ADAMTSL1: variants seen among roughly 807,000 people sequenced by gnomAD.
The protein encoded by ADAMTSL1 is ADAMTS-like protein 1.
Under a neutral mutation model 201.8 loss-of-function variants are expected in ADAMTSL1, and 126 were observed. That is an observed-to-expected ratio of 0.62 (90% CI 0.54 to 0.72). The LOEUF is 0.72. ADAMTSL1 is among the 30% of genes least tolerant of loss of function. ADAMTSL1 has a pLI of 0.00. For synonymous variants in ADAMTSL1, 1,121 were observed against 903.4 expected (o/e 1.24, Z -4.32); for missense variants, 2,679 against 2,277.8 (o/e 1.18, Z -3.59).
intron 13 of ADAMTSL1, 37 bp downstream of exon 13, chr9:18,684,837 A>G (rs1386477372): frequency 6.3e-7 from 1 of 1,575,718 alleles, no homozygotes; most frequent in Non-Finnish European, 8.6e-7. Flanking sequence ...TATATTTGAA[A>G]CTGTTTTGTT....
intron 16 of ADAMTSL1, 92 bp downstream of exon 16, chr9:18,753,600 G>A: frequency 7.3e-7 from 1 of 1,376,674 alleles, no homozygotes; most frequent in East Asian, 2.5e-5. Flanking sequence ...GTCCAGGGAT[G>A]TTAAAGGGAT....
intron 17 of ADAMTSL1, among the ~76,000 whole-genome samples, chr9:18,771,666 G>T (rs910330330): frequency 1.4e-5 from 2 of 141,958 alleles, no homozygotes; most frequent in Non-Finnish European, 3.0e-5. Flanking sequence ...CCTTTTTCTA[G>T]CATATAAGCA....
chr9:18,124,834 C>T (rs907980698), intron 1 of ADAMTSL1, among the ~76,000 whole-genome samples: 16 of 152,106 alleles, frequency 1.1e-4, no homozygotes, highest in South Asian at 1.0e-3. Flanking sequence ...TTTTCTGGTC[C>T]GAAGTGTTTT....
chr9:18,776,816 A>C lies in ADAMTSL1; in HGVS notation c.2587A>C (p.Ile863Leu). Residue 863 changes from isoleucine to leucine, a missense_variant, in exon 19 of 29, where the codon ATC (isoleucine) becomes CTC (leucine). Coordinates refer to ENST00000380548, the MANE Select transcript of ADAMTSL1 (RefSeq NM_001040272.6). Reference protein sequence around the residue: ...GRPSTKHSPHIAAARKVYIQT... With the variant: ...GRPSTKHSPHLAAARKVYIQT... Reference sequence around the variant, plus strand: ...GCCATCCACGAAGCACAGCCCGCACATCGCGGCCGCCAGGAAGGTCTACAT... The same window carrying C: ...GCCATCCACGAAGCACAGCCCGCACCTCGCGGCCGCCAGGAAGGTCTACAT... 1 of 1,569,246 alleles carries C rather than the reference A, an allele frequency of 6.4e-7. No individual in the cohort carries two copies. Among genetic ancestry groups the C allele is most frequent in the East Asian group, 2.4e-5 (1 of 41,986 alleles).
At chr9:18,257,239 T>A (rs1471185710) in intron 2 of ADAMTSL1, among the ~76,000 whole-genome samples, 1 of 152,240 alleles carries the variant, frequency 6.6e-6, no homozygotes, top group Non-Finnish European at 1.5e-5. Flanking sequence ...AACAAAAAGT[T>A]ATTTTGTAAT....
At chr9:18,195,911 T>C (rs1829154994) in intron 2 of ADAMTSL1, among the ~76,000 whole-genome samples, 1 of 152,170 alleles carries the variant, frequency 6.6e-6, no homozygotes, top group Non-Finnish European at 1.5e-5. Context: ...TTTTTCTCTT[T>C]TTTTGGAAAT....
chr9:17,957,187 A>G (rs573061634), intron 1 of ADAMTSL1, among the ~76,000 whole-genome samples: 2 of 152,332 alleles, frequency 1.3e-5, no homozygotes, highest in African/African-American at 2.4e-5. Flanking sequence ...GATCAATAAA[A>G]TGTTCTAAAA....
intron 1 of ADAMTSL1, among the ~76,000 whole-genome samples, chr9:18,108,042 T>C (rs974602222): frequency 3.9e-5 from 6 of 152,136 alleles, no homozygotes; most frequent in Admixed American, 2.6e-4. Context: ...TGAAAGTAGG[T>C]CTTTATTACA....
chr9:18,255,244 A>T (rs1005850558), intron 2 of ADAMTSL1, among the ~76,000 whole-genome samples: 1 of 152,206 alleles, frequency 6.6e-6, no homozygotes, highest in African/African-American at 2.4e-5. Flanking sequence ...AACTCCACAC[A>T]GAAACCACTA....
chr9:18,237,806 A>G (rs1830908058), intron 2 of ADAMTSL1, among the ~76,000 whole-genome samples: 1 of 152,254 alleles, frequency 6.6e-6, no homozygotes, highest in Non-Finnish European at 1.5e-5. Context: ...TTCCTTTGTC[A>G]GTATTTTTTA....
At chr9:18,820,542 T>C (rs532331579) in intron 21 of ADAMTSL1, among the ~76,000 whole-genome samples, 1 of 152,364 alleles carries the variant, frequency 6.6e-6, no homozygotes, top group African/African-American at 2.4e-5. Context: ...TTCCTCTCAG[T>C]AATAAACATT....
chr9:18,784,700 A>T (rs977290121), intron 19 of ADAMTSL1, among the ~76,000 whole-genome samples: 4 of 152,204 alleles, frequency 2.6e-5, no homozygotes, highest in African/African-American at 9.7e-5. Context: ...GCCAGTGGAG[A>T]AATCATCAGG....
chr9:18,261,107 A>C (rs1401411790), intron 2 of ADAMTSL1, among the ~76,000 whole-genome samples: 1 of 141,680 alleles, frequency 7.1e-6, no homozygotes, highest in Non-Finnish European at 1.5e-5. Context: ...AGATAGAGAG[A>C]CCTGCTGTTT....
At chr9:18,612,666 A>G (rs1277050084) in intron 4 of ADAMTSL1, among the ~76,000 whole-genome samples, 1 of 152,234 alleles carries the variant, frequency 6.6e-6, no homozygotes, top group Non-Finnish European at 1.5e-5. Context: ...CTGTCTAGCC[A>G]TATGCAGAAA....
intron 11 of ADAMTSL1, chr9:18,680,774 G>T: frequency 2.1e-6 from 1 of 470,750 alleles, no homozygotes; most frequent in Non-Finnish European, 3.9e-6. Context: ...AAATAGCACG[G>T]GGAAGCAACT....
At chr9:18,073,873 T>G (rs1293087190) in intron 1 of ADAMTSL1, among the ~76,000 whole-genome samples, 2 of 152,170 alleles carry the variant, frequency 1.3e-5, no homozygotes, top group Middle Eastern at 3.4e-3. Context: ...ACTTGGGGAG[T>G]GGGACTTCTA....
At position 18,833,265 on chromosome 9, in the gene ADAMTSL1, C is replaced by T. The variant is rs1004029530; in HGVS notation, c.4249+3288C>T. On this transcript the variant is annotated intron_variant, in intron 23 of 28. Coordinates refer to ENST00000380548, the MANE Select transcript of ADAMTSL1 (RefSeq NM_001040272.6). The stretch of plus-strand genomic sequence containing the variant: ...TTGAATGATATTTCTGTCTTTAGGT[C>T]TTTGAGGAATTGACCACTGTCTTCC... Among the ~76,000 whole-genome samples the T allele has an allele frequency of 2.0e-5, 3 of 152,160 alleles. No individual in the cohort carries two copies. In the East Asian group the frequency reaches 5.8e-4, roughly 29 times the overall value.
intron 23 of ADAMTSL1, among the ~76,000 whole-genome samples, chr9:18,839,261 C>T (rs567878512): frequency 2.3e-3 from 334 of 147,964 alleles, no homozygotes; most frequent in Middle Eastern, 7.3e-3. Context: ...TCAATTCCCA[C>T]CTATGAGTGA....
chr9:18,897,215 G>C (rs770799453), intron 26 of ADAMTSL1, among the ~76,000 whole-genome samples: 5 of 152,226 alleles, frequency 3.3e-5, no homozygotes, highest in Admixed American at 6.5e-5. Flanking sequence ...ACAGATGTCT[G>C]ATCTCTCCCT....
Sources: allele counts gnomAD v4.1 joint callset (sites outside exome capture counted in the v4.1 genomes callset), GRCh38; gene constraint gnomAD v4.1.1; transcripts MANE v1.5; gene names NCBI Gene and HGNC (gene_info 2026-07-23, HGNC 2026-07-21).